The following GABRB2 variants were observed in gnomAD, a reference collection of about 807,000 sequenced individuals.
GABRB2 encodes gamma-aminobutyric acid receptor subunit beta-2.
GABRB2 carries 16 observed loss-of-function variants against 54.7 expected under a neutral mutation model. The ratio of observed to expected loss-of-function variants is 0.29; its 90% CI spans 0.20 to 0.44. The LOEUF is 0.44. Ranked by LOEUF, GABRB2 falls within the 20% of genes least tolerant of loss-of-function variation. The pLI, the probability that GABRB2 is intolerant of heterozygous loss-of-function variation, is 1.00. For missense variants in GABRB2, 355 were observed against 644.0 expected (o/e 0.55, Z 4.86); for synonymous variants, 244 against 233.8 (o/e 1.04, Z -0.40).
chr5:161,425,343 G>C (rs1756967865), intron 4 of GABRB2, among the ~76,000 whole-genome samples: 1 of 151,954 alleles, frequency 6.6e-6, no homozygotes, highest in South Asian at 2.1e-4. Context: ...CTTCATTGTT[G>C]TCTTATTTTA....
intron 5 of GABRB2, among the ~76,000 whole-genome samples, chr5:161,404,471 A>C (rs1270616510): frequency 6.6e-6 from 1 of 152,030 alleles, no homozygotes; most frequent in Non-Finnish European, 1.5e-5. Context: ...TGACACCTCC[A>C]CTTTACACCC....
chr5:161,426,804 T>C (rs1230415515), intron 4 of GABRB2, among the ~76,000 whole-genome samples: 1 of 152,072 alleles, frequency 6.6e-6, no homozygotes, highest in African/African-American at 2.4e-5. Context: ...TATAGCACAT[T>C]GGCAAAAAGG....
intron 3 of GABRB2, among the ~76,000 whole-genome samples, chr5:161,538,988 A>G (rs1760731004): frequency 6.6e-6 from 1 of 152,226 alleles, no homozygotes; most frequent in Non-Finnish European, 1.5e-5. Flanking sequence ...CTGGTGATGC[A>G]AGAAAACATC....
chr5:161,488,353 AG>A (rs958741742), intron 3 of GABRB2, among the ~76,000 whole-genome samples: 3 of 151,654 alleles, frequency 2.0e-5, no homozygotes, highest in Non-Finnish European at 4.4e-5. Flanking sequence ...TTTTGGGGCC[AG>A]TAAACCTTGT....
At chr5:161,342,368 G>A in intron 5 of GABRB2, among the ~76,000 whole-genome samples, 1 of 151,874 alleles carries the variant, frequency 6.6e-6, no homozygotes, top group Non-Finnish European at 1.5e-5. Context: ...ACTATTATTA[G>A]TCTGTAAATA....
At chr5:161,302,214 G>A (rs920756631) in intron 9 of GABRB2, among the ~76,000 whole-genome samples, 1 of 152,114 alleles carries the variant, frequency 6.6e-6, no homozygotes. Flanking sequence ...AAATGTTTTG[G>A]ATTAAGAAGT....
At position 161,336,700 on chromosome 5, in the gene GABRB2, T is replaced by G; in HGVS notation, c.611A>C (p.Lys204Thr). ...GDDNAVTGVTKIELPQFSIVD... is the reference protein window; with the variant it reads ...GDDNAVTGVTTIELPQFSIVD... The stretch of plus-strand genomic sequence containing the variant: ...AATAGAGAACTGTGGAAGTTCAATT[T>G]TCGTTACTCCTGTTACTGCATTATC... Residue 204 changes from lysine (K) to threonine (T), a missense_variant, in exon 6 of 10, where the codon AAA (lysine) becomes ACA (threonine). By Grantham distance (78) the Lys-to-Thr change is moderately conservative (BLOSUM62 -1). Transcript: ENST00000393959. 6.2e-7 allele frequency: 1 copy of G among 1,613,580 alleles called. No individual in the cohort carries two copies.
At chr5:161,326,321 G>T (rs1455856619) in intron 9 of GABRB2, 47 bp downstream of exon 9, 1 of 1,605,648 alleles carries the variant, frequency 6.2e-7, no homozygotes, top group East Asian at 2.2e-5. Context: ...AAACAAATTG[G>T]CCCCAACAGA....
At chr5:161,359,804 CG>C (rs1335896610) in intron 5 of GABRB2, among the ~76,000 whole-genome samples, 2 of 151,968 alleles carry the variant, frequency 1.3e-5, no homozygotes. Context: ...AAATGGAGGC[CG>C]GGTGCGGTGG....
chr5:161,439,452 T>A (rs1391444589), intron 4 of GABRB2, among the ~76,000 whole-genome samples: 1 of 152,036 alleles, frequency 6.6e-6, no homozygotes, highest in Non-Finnish European at 1.5e-5. Context: ...AATGATCACC[T>A]TAAGGTAAAA....
intron 4 of GABRB2, among the ~76,000 whole-genome samples, chr5:161,449,730 C>A (rs1432115682): frequency 6.6e-6 from 1 of 151,856 alleles, no homozygotes; most frequent in Non-Finnish European, 1.5e-5. Context: ...ACAAACATAT[C>A]TACAGACATA....
At chr5:161,408,601 T>C (rs1756413450) in intron 5 of GABRB2, among the ~76,000 whole-genome samples, 1 of 152,072 alleles carries the variant, frequency 6.6e-6, no homozygotes, top group South Asian at 2.1e-4. Flanking sequence ...TGACCCAATG[T>C]ATTGATTGTC....
At chr5:161,505,905 C>T (rs1759591268) in intron 3 of GABRB2, among the ~76,000 whole-genome samples, 1 of 152,084 alleles carries the variant, frequency 6.6e-6, no homozygotes, top group South Asian at 2.1e-4. Flanking sequence ...CTGCTATCAC[C>T]GTTTCTACTT....
chr5:161,405,640 A>ACT (rs763172095), intron 5 of GABRB2, among the ~76,000 whole-genome samples: 17 of 151,982 alleles, frequency 1.1e-4, no homozygotes, highest in Non-Finnish European at 1.9e-4. Flanking sequence ...CTACTGTTAT[A>ACT]CTCTAAGGTG....
chr5:161,410,902 G>T, intron 5 of GABRB2, 73 bp downstream of exon 5: 1 of 1,161,720 alleles, frequency 8.6e-7, no homozygotes, highest in Non-Finnish European at 1.3e-6. Flanking sequence ...CTGGACATGA[G>T]CCAGGACTGG....
At chr5:161,351,726 C>T (rs1243633238) in intron 5 of GABRB2, among the ~76,000 whole-genome samples, 4 of 152,056 alleles carry the variant, frequency 2.6e-5, no homozygotes, top group African/African-American at 9.6e-5. Context: ...TAAAAGGCTT[C>T]TGCACAGCAA....
At chr5:161,454,684 A>C (rs767377830) in intron 4 of GABRB2, among the ~76,000 whole-genome samples, 4 of 152,170 alleles carry the variant, frequency 2.6e-5, no homozygotes, top group Non-Finnish European at 5.9e-5. Context: ...TTTTACACTG[A>C]TTGATCACTG....
intron 9 of GABRB2, among the ~76,000 whole-genome samples, chr5:161,320,398 A>C (rs867578163): frequency 4.0e-5 from 6 of 151,852 alleles, no homozygotes; most frequent in African/African-American, 1.4e-4. Context: ...AAAAGAGTTT[A>C]TACAAATAGT....
Position 161,358,815 on chromosome 5 carries a change from T to A in GABRB2, c.542-22046A>T, listed in dbSNP as rs148834892. On this transcript the variant is annotated intron_variant, in intron 5 of 9. Transcript: ENST00000393959. ...AAGTAAGGAGAGAGGGGAGAAGGTA[T>A]GAAGTAGTTGTTAAGGACAGAGGGA... Among the ~76,000 whole-genome samples, 383 of 152,130 alleles carry A rather than the reference T, an allele frequency of 2.5e-3. 1 individual carries two copies. Among genetic ancestry groups the A allele is most frequent in the South Asian group, 0.015 (72 of 4,810 alleles).
Sources: gnomAD v4.1 joint callset for allele counts (sites outside exome capture counted in the v4.1 genomes callset) on GRCh38, gnomAD v4.1.1 for gene constraint, MANE v1.5 for transcripts, NCBI Gene and HGNC (gene_info 2026-07-23, HGNC 2026-07-21) for gene names.